DHX35: variants seen among roughly 807,000 people sequenced by gnomAD.
DHX35 encodes DEAH-box helicase 35.
DHX35 carries 84 observed loss-of-function variants against 99.6 expected under a neutral mutation model. That is an observed-to-expected ratio of 0.84 (90% confidence interval 0.71 to 1.01). The LOEUF (loss-of-function observed/expected upper bound fraction) is 1.01. Ranked by LOEUF, DHX35 falls within the 50% of genes least tolerant of loss-of-function variation. The pLI is 0.00. For synonymous variants in DHX35, 331 were observed against 316.2 expected (o/e 1.05, Z -0.50); for missense variants, 852 against 888.5 (o/e 0.96, Z 0.52).
intron 7 of DHX35, among the ~76,000 whole-genome samples, 189 bp from the exon 8 acceptor site, chr20:38,994,632 C>G (rs1277328330): frequency 2.5e-5 from 1 of 39,724 alleles, no homozygotes; most frequent in Non-Finnish European, 4.6e-5. Context: ...AGTGTAATGA[C>G]CCCCCCCCCC....
rs1009390641 is a variant in DHX35, at chr20:38,999,535, A to G, written c.643-2195A>G. Among the ~76,000 whole-genome samples the G allele has an allele frequency of 3.9e-5, 6 of 152,164 alleles. No homozygotes were observed. The East Asian group carries it at 5.8e-4, about 15-fold the overall frequency. On this transcript the variant is annotated intron_variant, in intron 8 of 21. Coordinates refer to ENST00000252011, the MANE Select transcript of DHX35 (RefSeq NM_021931.4). ...CCATCTCAGTCTCTTTCTCATGATCATAGTCATTTAGGCCAAGACCTCCAT... is the reference window on the plus strand; with the variant it reads ...CCATCTCAGTCTCTTTCTCATGATCGTAGTCATTTAGGCCAAGACCTCCAT...
rs731344 is a variant in DHX35 at position 38,988,152 on chromosome 20, G to A, written c.346-661G>A. The stretch of plus-strand genomic sequence containing the variant: ...GGCCACCAAATTTAGAGCTGAATTT[G>A]TGGCTCAACTTGAATAATTTTGGCA... On this transcript the variant is annotated intron_variant, in intron 4 of 21. Coordinates refer to ENST00000252011, the MANE Select transcript of DHX35 (RefSeq NM_021931.4). Among the ~76,000 whole-genome samples the A allele has an allele frequency of 1.7e-4, 26 of 152,212 alleles. 1 individual carries two copies. Among genetic ancestry groups the A allele is most frequent in the African/African-American group, 6.3e-4 (26 of 41,536 alleles).
chr20:38,968,127 G>T (rs2085936818), intron 1 of DHX35, among the ~76,000 whole-genome samples: 1 of 152,226 alleles, frequency 6.6e-6, no homozygotes, highest in Admixed American at 6.5e-5. Flanking sequence ...AGTGCTTAGA[G>T]TGGTACGTGA....
chr20:39,028,615 G>A (rs1248106851), intron 19 of DHX35, 116 bp downstream of exon 19: 3 of 1,169,888 alleles, frequency 2.6e-6, no homozygotes, highest in Non-Finnish European at 3.7e-6. Context: ...TTTCTACCAT[G>A]TCTCCTTCCA....
chr20:39,019,618 G>T (rs7262876), intron 15 of DHX35, among the ~76,000 whole-genome samples: 2 of 151,942 alleles, frequency 1.3e-5, no homozygotes, highest in African/African-American at 4.8e-5. Context: ...TTATGAGATA[G>T]AGTGTGATGT....
intron 1 of DHX35, 79 bp from the exon 2 acceptor site, chr20:38,968,991 GTATATCTTCAT>G (rs2085952012): frequency 7.3e-7 from 1 of 1,372,724 alleles, no homozygotes; most frequent in Admixed American, 2.5e-5. Context: ...TGCTTCTTCT[GTATATCTTCAT>G]CTTTGAAAGT....
At chr20:38,966,436 G>A (rs1011895772) in intron 1 of DHX35, among the ~76,000 whole-genome samples, 5 of 152,230 alleles carry the variant, frequency 3.3e-5, no homozygotes, top group Non-Finnish European at 7.3e-5. Flanking sequence ...TCGGGAGGTC[G>A]AGGTGGGTGG....
intron 10 of DHX35, among the ~76,000 whole-genome samples, chr20:39,003,122 G>T (rs565686161): frequency 6.6e-6 from 1 of 152,238 alleles, no homozygotes; most frequent in East Asian, 1.9e-4. Flanking sequence ...AATAAACTAG[G>T]TAGTTGAGTG....
Position 39,038,547 on chromosome 20 carries a change from G to C in DHX35, c.*4G>C, listed in dbSNP as rs772250176. On this transcript the variant is annotated 3_prime_UTR_variant, in exon 22 of 22. Coordinates refer to ENST00000252011, the MANE Select transcript of DHX35 (RefSeq NM_021931.4). ...GGCCAAGGTCCAGGACCCGTGAGAG[G>C]AGCCCACAGCTACAGCTGCAGGGAC... is the stretch of plus-strand genomic sequence containing the variant. 6.2e-7 allele frequency: 1 copy of C among 1,611,746 alleles called. No homozygotes were observed. The highest frequency in any genetic ancestry group is 1.7e-5 in the Admixed American group (1 of 59,982).
At chr20:39,016,476 C>A (rs1046029893) in intron 14 of DHX35, among the ~76,000 whole-genome samples, 1 of 152,188 alleles carries the variant, frequency 6.6e-6, no homozygotes, top group Non-Finnish European at 1.5e-5. Context: ...CATACCTTAT[C>A]CCCTTTTATC....
chr20:39,037,358 C>T (rs1003244401), intron 21 of DHX35, among the ~76,000 whole-genome samples: 3 of 152,170 alleles, frequency 2.0e-5, no homozygotes, highest in African/African-American at 7.2e-5. Flanking sequence ...TTAGGGAAAA[C>T]CCTTTTAACG....
At chr20:39,023,606 G>C in intron 16 of DHX35, 84 bp from the exon 17 acceptor site, 1 of 1,323,622 alleles carries the variant, frequency 7.6e-7, no homozygotes, top group Admixed American at 1.7e-5. Context: ...TCCCACCTTA[G>C]CCTCACCAAA....
intron 11 of DHX35, 97 bp downstream of exon 11, chr20:39,004,004 T>G (rs562492038): frequency 2.2e-6 from 3 of 1,356,406 alleles, no homozygotes; most frequent in Non-Finnish European, 3.1e-6. Flanking sequence ...CAAGGCAGAC[T>G]TCTAGGTCCA....
intron 3 of DHX35, among the ~76,000 whole-genome samples, chr20:38,973,927 G>T (rs1015417046): frequency 1.3e-5 from 2 of 152,194 alleles, no homozygotes; most frequent in Non-Finnish European, 2.9e-5. Flanking sequence ...TGAGTATTCT[G>T]TGGTTTGTTT....
intron 7 of DHX35, 105 bp from the exon 8 acceptor site, chr20:38,994,716 A>G: frequency 1.2e-6 from 1 of 824,558 alleles, no homozygotes; most frequent in East Asian, 4.3e-5. Flanking sequence ...CAGGCAAAAA[A>G]GAAAAAAAAA....
Position 39,010,286 on chromosome 20 carries a change from C to G in DHX35, c.1229C>G (p.Ala410Gly), listed in dbSNP as rs776838951. 10 of 1,614,082 alleles carry G rather than the reference C, an allele frequency of 6.2e-6. No homozygotes were observed. The highest frequency in any genetic ancestry group is 1.1e-5 in the South Asian group (1 of 91,082). Reference protein sequence around the residue: ...GKCYRLYTEEAFDKLPQSTVP... With the variant: ...GKCYRLYTEEGFDKLPQSTVP... ...TCTGATTTCCTATCCTCAGAGGAAG[C>G]CTTTGACAAGTTGCCTCAGTCTACG... Residue 410 changes from alanine (A) to glycine (G), a missense_variant, in exon 13 of 22, where the codon GCC becomes GGC. Coordinates refer to ENST00000252011, the MANE Select transcript of DHX35 (RefSeq NM_021931.4).
intron 17 of DHX35, among the ~76,000 whole-genome samples, chr20:39,024,325 G>T (rs896987133): frequency 2.6e-5 from 4 of 152,100 alleles, no homozygotes; most frequent in African/African-American, 9.7e-5. Context: ...GTTAATAAAG[G>T]TGATGAAAAT....
intron 5 of DHX35, 100 bp downstream of exon 5, chr20:38,989,017 A>G: frequency 1.5e-6 from 2 of 1,326,072 alleles, no homozygotes; most frequent in Non-Finnish European, 2.1e-6. Context: ...GGACATTGAT[A>G]CCATGGCAGA....
chr20:38,983,663 T>C, intron 3 of DHX35, 36 bp from the exon 4 acceptor site: 1 of 1,576,354 alleles, frequency 6.3e-7, no homozygotes, highest in Non-Finnish European at 8.7e-7. Context: ...GCAAAAGTGG[T>C]ATCATATGTA....
Sources: gnomAD v4.1 joint callset for allele counts (sites outside exome capture counted in the v4.1 genomes callset) on GRCh38, gnomAD v4.1.1 for gene constraint, MANE v1.5 for transcripts, NCBI Gene and HGNC (gene_info 2026-07-23, HGNC 2026-07-21) for gene names.